PRC1: variants seen among roughly 807,000 people sequenced by gnomAD.
PRC1 encodes protein regulator of cytokinesis 1.
Under a neutral mutation model 91.2 loss-of-function variants are expected in PRC1, and 54 were observed. The ratio of observed to expected loss-of-function variants is 0.59; its 90% confidence interval spans 0.48 to 0.74. The LOEUF (loss-of-function observed/expected upper bound fraction) is 0.74. Ranked by LOEUF, PRC1 falls within the 30% of genes least tolerant of loss-of-function variation. The pLI is 0.00. For missense variants in PRC1, 727 were observed against 746.2 expected (o/e 0.97, Z 0.30); for synonymous variants, 275 against 263.6 (o/e 1.04, Z -0.42).
chr15:90,973,702 C>G (rs1301266580), intron 11 of PRC1, among the ~76,000 whole-genome samples: 3 of 152,148 alleles, frequency 2.0e-5, no homozygotes, highest in Non-Finnish European at 4.4e-5. Flanking sequence ...CTCTGTTACT[C>G]TTTACTACAC....
chr15:90,970,489 G>A lies in PRC1; in HGVS notation c.1487C>T (p.Ala496Val). The A allele has an allele frequency of 6.2e-7, 1 of 1,613,510 alleles. No homozygotes were observed. Among genetic ancestry groups the A allele is most frequent in the Non-Finnish European group, 8.5e-7 (1 of 1,179,466 alleles). ...AGGCCGAATGCTACTATTGGCCGTA[G>A]CATTGGACATGGTGGTAGTGTTCAG... ...RKLNTTTMSN[A>V]TANSSIRPIF... Residue 496 changes from alanine (A) to valine (V), a missense_variant, in exon 12 of 15, where the codon GCT (alanine) becomes GTT (valine). Physicochemically the swap from Ala to Val is moderately conservative, Grantham distance 64 (BLOSUM62 0). Coordinates refer to ENST00000394249, the MANE Select transcript of PRC1 (RefSeq NM_003981.4).
intron 11 of PRC1, chr15:90,972,763 CTG>C (rs1262889629): frequency 6.5e-6 from 1 of 152,962 alleles, no homozygotes; most frequent in East Asian, 1.9e-4. Flanking sequence ...TCCTCTCTGA[CTG>C]TGCTGTAGAG....
intron 8 of PRC1, chr15:90,977,429 T>C (rs2151499449): frequency 6.6e-6 from 1 of 152,294 alleles, no homozygotes; most frequent in South Asian, 2.1e-4. Flanking sequence ...TTAGAAGATA[T>C]TCTAGAAAAT....
chr15:90,974,249 G>A lies in PRC1; in HGVS notation c.1351-3C>T, dbSNP rs17636091. 160,675 of 1,609,786 alleles carry A rather than the reference G, an allele frequency of 0.1. 13,909 individuals are homozygous for A. The highest frequency in any genetic ancestry group is 0.49 in the East Asian group (21,790 of 44,858). The stretch of plus-strand genomic sequence containing the variant: ...GTCTGTTTTTTGTTCTTCAGTTGCT[G>A]TGTGAAAGTCAGAAGCAACAGTGAT... On this transcript the variant is annotated splice_region_variant and splice_polypyrimidine_tract_variant and intron_variant, in intron 10 of 14. Coordinates refer to ENST00000394249, the MANE Select transcript of PRC1 (RefSeq NM_003981.4). This position sits in a 1 kb window ranked among gnomAD's most constrained non-coding sequence, Gnocchi z 4.6.
Position 90,974,425 on chromosome 15 carries a change from C to A in PRC1, c.1350+160G>T. ...GCTCCCCGTTCCACAAGCCCCGGTC[C>A]CCGGCTCCCCGTTCCACAAGCCCCG... is the stretch of plus-strand genomic sequence containing the variant. On this transcript the variant is annotated intron_variant, in intron 10 of 14. Transcript: ENST00000394249. The surrounding 1 kb of genome is among the most constrained non-coding windows in gnomAD (Gnocchi z 4.6). 8.3e-7 allele frequency: 1 copy of A among 1,205,252 alleles called. No individual in the cohort carries two copies. Among genetic ancestry groups the A allele is most frequent in the Admixed American group, 2.2e-5 (1 of 44,490 alleles). 74.7% of individuals were successfully genotyped at this position (1,205,252 alleles called of 1,614,324 possible). A position where few individuals can be genotyped will look rare whatever the true frequency, so the allele number is the denominator to read the frequency against.
chr15:90,969,114 G>A lies in PRC1; in HGVS notation c.1756C>T (p.Pro586Ser). 6.2e-7 allele frequency: 1 copy of A among 1,613,358 alleles called. No homozygotes were observed. Among genetic ancestry groups the A allele is most frequent in the Admixed American group, 1.7e-5 (1 of 60,010 alleles). Reference protein sequence around the residue: ...ASTYSEFAKDPSLSDSSTVGL... With the variant: ...ASTYSEFAKDSSLSDSSTVGL... The stretch of plus-strand genomic sequence containing the variant: ...ACAGTGGAACTGTCAGAGAGGGACG[G>A]ATCCTTCTAAGAACAAAGAATTAAG... The change falls in exon 14 of 15, where the codon CCG becomes TCG. Residue 586 changes from proline to serine, a missense_variant. By Grantham distance (74) the Pro-to-Ser change is moderately conservative. Coordinates refer to ENST00000394249, the MANE Select transcript of PRC1 (RefSeq NM_003981.4).
intron 13 of PRC1, 64 bp downstream of exon 13, chr15:90,969,383 A>G (rs1052659795): frequency 1.1e-5 from 16 of 1,520,614 alleles, no homozygotes; most frequent in Middle Eastern, 1.8e-4. Context: ...CCCTGGGAAG[A>G]TACCCACTCT....
intron 14 of PRC1, chr15:90,968,521 G>C (rs1406647583): frequency 1.0e-6 from 1 of 988,990 alleles, no homozygotes; most frequent in Non-Finnish European, 1.2e-6. Flanking sequence ...ATATAGAGTA[G>C]GATACTAGGA....
At chr15:90,968,998 G>A (rs1262163501) in intron 14 of PRC1, 81 bp downstream of exon 14, 5 of 1,608,384 alleles carry the variant, frequency 3.1e-6, no homozygotes, top group Admixed American at 1.7e-5. Context: ...ATTAGTTAGT[G>A]TAGCCCTGTG....
intron 1 of PRC1, among the ~76,000 whole-genome samples, chr15:90,986,310 T>C (rs2039569494): frequency 6.6e-6 from 1 of 152,210 alleles, no homozygotes; most frequent in Non-Finnish European, 1.5e-5. Flanking sequence ...AGTACATTCC[T>C]ACAATGCACT....
chr15:90,985,388 A>AC (rs2039504895), intron 1 of PRC1, among the ~76,000 whole-genome samples: 1 of 151,324 alleles, frequency 6.6e-6, no homozygotes, highest in South Asian at 2.1e-4. Context: ...GTGCTACCAC[A>AC]CCCAGCTAAT....
chr15:90,978,383 AAG>A (rs987970087), intron 8 of PRC1, among the ~76,000 whole-genome samples: 1 of 152,096 alleles, frequency 6.6e-6, no homozygotes, highest in African/African-American at 2.4e-5. Context: ...CGGTGCTGTG[AAG>A]AGAGCCGGGA....
rs116801237 is a variant in PRC1 at position 90,978,391 on chromosome 15, C to T, written c.1107+767G>A. 3.6e-3 allele frequency among the ~76,000 whole-genome samples: 541 copies of T among 151,248 alleles called. 4 individuals are homozygous for T. The highest frequency in any genetic ancestry group is 0.017 in the Middle Eastern group (5 of 292). On this transcript the variant is annotated intron_variant, in intron 8 of 14. Coordinates refer to ENST00000394249, the MANE Select transcript of PRC1 (RefSeq NM_003981.4). Reference sequence around the variant, plus strand: ...TGAGCCACGGTGCTGTGAAGAGAGCCGGGAAGAGCTCTTGAAGGAGTGAGG... The same window carrying T: ...TGAGCCACGGTGCTGTGAAGAGAGCTGGGAAGAGCTCTTGAAGGAGTGAGG...
At chr15:90,977,418 T>C (rs2038815430) in intron 8 of PRC1, 1 of 152,082 alleles carries the variant, frequency 6.6e-6, no homozygotes, top group African/African-American at 2.4e-5. Flanking sequence ...GGCAGAAAAA[T>C]TTAGAAGATA....
Position 90,974,024 on chromosome 15 carries a change from C to T in PRC1, c.1461+112G>A. 1.2e-6 allele frequency: 1 copy of T among 838,640 alleles called. No homozygotes were observed. Among genetic ancestry groups the T allele is most frequent in the South Asian group, 1.5e-5 (1 of 64,840 alleles). The allele number at this position is 838,640 out of a possible 1,614,324, so 51.9% of individuals were successfully genotyped here. A position where few individuals can be genotyped will look rare whatever the true frequency, so the allele number is the denominator to read the frequency against. On this transcript the variant is annotated intron_variant, in intron 11 of 14. Coordinates refer to ENST00000394249, the MANE Select transcript of PRC1 (RefSeq NM_003981.4). The surrounding 1 kb of genome is among the most constrained non-coding windows in gnomAD (Gnocchi z 4.6). ...TTTCTTTTCTCTGTCTCTTGTCCCACCTGATGAGAAATACCCACAGGTGTG... is the reference window on the plus strand; with the variant it reads ...TTTCTTTTCTCTGTCTCTTGTCCCATCTGATGAGAAATACCCACAGGTGTG...
chr15:90,982,895 T>G (rs547370453), intron 3 of PRC1: 1 of 152,168 alleles, frequency 6.6e-6, no homozygotes, highest in African/African-American at 2.4e-5. Context: ...CATCTGGTAG[T>G]CCCTGCTCTA....
At chr15:90,968,636 G>T in intron 14 of PRC1, 1 of 1,001,886 alleles carries the variant, frequency 1.0e-6, no homozygotes, top group Non-Finnish European at 1.2e-6. Context: ...TTAGCTAGCT[G>T]AGAATAGAGC....
chr15:90,967,403 C>T (rs55937561), intron 14 of PRC1: 338 of 585,438 alleles, frequency 5.8e-4, no homozygotes, highest in Non-Finnish European at 8.3e-4. Flanking sequence ...TGCATGTGCA[C>T]GCATGCCCGT....
At chr15:90,981,158 T>A (rs1399897537) in intron 5 of PRC1, 125 bp from the exon 6 acceptor site, 23 of 1,261,674 alleles carry the variant, frequency 1.8e-5, no homozygotes, top group Middle Eastern at 2.7e-4. Flanking sequence ...CAAAGTAGCA[T>A]GTTTTCATGC....
Sources: allele counts gnomAD v4.1 joint callset (sites outside exome capture counted in the v4.1 genomes callset), GRCh38; gene constraint gnomAD v4.1.1; non-coding constraint Gnocchi (gnomAD v3.1); transcripts MANE v1.5; gene names NCBI Gene and HGNC (gene_info 2026-07-23, HGNC 2026-07-21).